Variants in HBS1L observed in about 807,000 individuals in gnomAD.
HBS1L encodes the protein HBS1 like translational GTPase.
A neutral mutation model predicts 88.9 loss-of-function variants in HBS1L; 55 were observed. The ratio of observed to expected loss-of-function variants is 0.62; its 90% CI spans 0.50 to 0.77. The LOEUF (loss-of-function observed/expected upper bound fraction) is 0.77, where lower values mean the gene tolerates loss of function less well. Among genes scored for constraint, HBS1L ranks in the 30% least tolerant of loss-of-function variants. HBS1L has a pLI of 0.00. For synonymous variants in HBS1L, 267 were observed against 288.5 expected (o/e 0.93, Z 0.76); for missense variants, 741 against 829.3 (o/e 0.89, Z 1.31).
intron 13 of HBS1L, among the ~76,000 whole-genome samples, chr6:134,979,608 C>A (rs1774761566): frequency 6.6e-6 from 1 of 152,048 alleles, no homozygotes; most frequent in Admixed American, 6.6e-5. Context: ...TGGATACAGA[C>A]AAAATAAAAC....
intron 11 of HBS1L, among the ~76,000 whole-genome samples, chr6:134,985,832 T>C (rs891703265): frequency 1.3e-5 from 2 of 152,184 alleles, no homozygotes; most frequent in African/African-American, 4.8e-5. Flanking sequence ...TAATCTCATT[T>C]AATTTTAACA....
intron 13 of HBS1L, among the ~76,000 whole-genome samples, chr6:134,981,254 CTT>C (rs1774823765): frequency 6.6e-6 from 1 of 151,914 alleles, no homozygotes; most frequent in South Asian, 2.1e-4. Context: ...TATTATAGCT[CTT>C]GTCACTTTAA....
chr6:135,051,231 A>AAAAAAAAG (rs1207331278), intron 1 of HBS1L, among the ~76,000 whole-genome samples: 2 of 152,022 alleles, frequency 1.3e-5, no homozygotes, highest in Non-Finnish European at 2.9e-5. Context: ...CTCAAAAAGA[A>AAAAAAAAG]AAAAAAAGAA....
rs374152718 is a variant in HBS1L at position 135,054,698 on chromosome 6, G to A, written c.-7C>T. ...CATTCCGATGCCGGGCCATGACGGCGGAGAGGGCGTTTGCCACAGCCCCTT... is the reference window on the plus strand; with the variant it reads ...CATTCCGATGCCGGGCCATGACGGCAGAGAGGGCGTTTGCCACAGCCCCTT... On this transcript the variant is annotated 5_prime_UTR_variant, in exon 1 of 18. Coordinates refer to ENST00000367837, the MANE Select transcript of HBS1L (RefSeq NM_006620.4). 14 of 1,614,124 alleles carry A rather than the reference G, an allele frequency of 8.7e-6. No homozygotes were observed. The highest frequency in any genetic ancestry group is 1.3e-5 in the African/African-American group (1 of 74,956).
intron 8 of HBS1L, 142 bp downstream of exon 8, chr6:134,993,616 C>T (rs1775207421): frequency 7.1e-6 from 3 of 422,530 alleles, no homozygotes; most frequent in East Asian, 6.8e-5. Flanking sequence ...CAATATTGCT[C>T]TTTTTGTTCA....
chr6:135,021,783 C>T (rs1004594288), intron 4 of HBS1L, among the ~76,000 whole-genome samples: 20 of 152,110 alleles, frequency 1.3e-4, no homozygotes, highest in African/African-American at 3.6e-4. Flanking sequence ...TTAACACCTA[C>T]GTAAAATTAG....
intron 4 of HBS1L, among the ~76,000 whole-genome samples, chr6:135,021,735 G>A (rs59131140): frequency 0.01 from 1,585 of 152,210 alleles, 28 homozygotes; most frequent in African/African-American, 0.036. Context: ...AAGGGCACTG[G>A]AGATTCAAAG....
intron 2 of HBS1L, among the ~76,000 whole-genome samples, chr6:135,047,684 C>G (rs1162233435): frequency 1.3e-5 from 2 of 152,208 alleles, no homozygotes; most frequent in Non-Finnish European, 2.9e-5. Context: ...CTACTTACAT[C>G]CACCCATATA....
chr6:134,997,357 G>A (rs748090702), intron 6 of HBS1L, 40 bp downstream of exon 6: 1 of 1,610,856 alleles, frequency 6.2e-7, no homozygotes, highest in South Asian at 1.1e-5. Context: ...GCAGGCTAAG[G>A]CATGGCTGGC....
At chr6:134,966,208 GCTTCTCCTA>G (rs1259323765) in intron 17 of HBS1L, 112 bp downstream of exon 17, 6 of 816,278 alleles carry the variant, frequency 7.4e-6, no homozygotes, top group African/African-American at 1.7e-5. Flanking sequence ...AATGAGTAAG[GCTTCTCCTA>G]ATCAATGCTT....
intron 15 of HBS1L, among the ~76,000 whole-genome samples, chr6:134,977,024 A>AT (rs1210194802): frequency 1.3e-5 from 2 of 152,106 alleles, no homozygotes; most frequent in African/African-American, 4.8e-5. Flanking sequence ...GTATTATGGC[A>AT]TTAGTCCCTA....
chr6:134,998,304 T>C (rs953483522), intron 5 of HBS1L, among the ~76,000 whole-genome samples: 8 of 152,220 alleles, frequency 5.3e-5, no homozygotes, highest in African/African-American at 7.2e-5. Flanking sequence ...AACTCAGATA[T>C]ATAAAGGAGA....
intron 4 of HBS1L, among the ~76,000 whole-genome samples, chr6:135,020,760 A>T (rs1366564526): frequency 6.6e-6 from 1 of 152,014 alleles, no homozygotes; most frequent in East Asian, 1.9e-4. Flanking sequence ...CATATCTTTT[A>T]TATAATAAAT....
intron 15 of HBS1L, among the ~76,000 whole-genome samples, chr6:134,972,394 T>A (rs1052009066): frequency 1.1e-4 from 17 of 152,184 alleles, no homozygotes; most frequent in African/African-American, 4.1e-4. Context: ...AAACTGGATA[T>A]CCATATGCAA....
At chr6:134,971,724 T>C (rs999721376) in intron 15 of HBS1L, among the ~76,000 whole-genome samples, 1 of 152,038 alleles carries the variant, frequency 6.6e-6, no homozygotes, top group Non-Finnish European at 1.5e-5. Context: ...TGCAGCATAG[T>C]GTAATAGGAA....
chr6:135,002,678 T>G, intron 5 of HBS1L, 56 bp downstream of exon 5: 5 of 967,802 alleles, frequency 5.2e-6, no homozygotes, highest in Non-Finnish European at 8.2e-6. Flanking sequence ...GAAGCAACAG[T>G]GATTTCAAAA....
chr6:135,009,604 A>G (rs952619353), intron 4 of HBS1L, among the ~76,000 whole-genome samples: 20 of 152,178 alleles, frequency 1.3e-4, no homozygotes, highest in African/African-American at 4.8e-4. Context: ...TTCTCATTTA[A>G]TAAGTAGAAA....
chr6:134,980,825 C>T (rs1301730110), intron 13 of HBS1L, among the ~76,000 whole-genome samples: 1 of 151,456 alleles, frequency 6.6e-6, no homozygotes, highest in Non-Finnish European at 1.5e-5. Flanking sequence ...TCTTTTGGGA[C>T]AGTACTGGTT....
intron 1 of HBS1L, 101 bp downstream of exon 1, chr6:135,054,548 G>A: frequency 2.2e-6 from 3 of 1,365,148 alleles, no homozygotes; most frequent in Non-Finnish European, 3.1e-6. Flanking sequence ...TCCCGACAGG[G>A]CAACACTGAC....
Sources: gnomAD v4.1 joint callset for allele counts (sites outside exome capture counted in the v4.1 genomes callset) on GRCh38, gnomAD v4.1.1 for gene constraint, MANE v1.5 for transcripts, NCBI Gene and HGNC (gene_info 2026-07-23, HGNC 2026-07-21) for gene names.